SEC16B: variants seen among roughly 807,000 people sequenced by gnomAD.
The protein encoded by SEC16B is SEC16 homolog B, endoplasmic reticulum export factor, also known as protein transport protein Sec16B.
SEC16B carries 115 observed loss-of-function variants against 141.8 expected under a neutral mutation model. That is an observed-to-expected ratio of 0.81 (90% CI 0.70 to 0.95). The LOEUF is 0.95. Ranked by LOEUF, SEC16B falls within the 40% of genes least tolerant of loss-of-function variation. The pLI, the probability that SEC16B is intolerant of heterozygous loss-of-function variation, is 0.00. For missense variants in SEC16B, 1,291 were observed against 1,312.3 expected, an observed-to-expected ratio of 0.98 and a Z score of 0.25; for synonymous variants, 493 against 492.5, an observed-to-expected ratio of 1.00 and a Z score of -0.01.
chr1:177,982,562 T>C (rs937631594), intron 1 of SEC16B, among the ~76,000 whole-genome samples: 6 of 152,190 alleles, frequency 3.9e-5, no homozygotes, highest in African/African-American at 1.4e-4. Context: ...ATGGATTTGA[T>C]CCATCATTCT....
At chr1:177,960,523 G>A (rs1652974196) in intron 7 of SEC16B, 120 bp from the exon 8 acceptor site, 1 of 762,262 alleles carries the variant, frequency 1.3e-6, no homozygotes, top group Non-Finnish European at 2.2e-6. Context: ...GCCTTGTGGA[G>A]AAAGCAGAAA....
At chr1:177,964,668 T>C (rs1303698077) in intron 4 of SEC16B, among the ~76,000 whole-genome samples, 1 of 152,222 alleles carries the variant, frequency 6.6e-6, no homozygotes, top group Non-Finnish European at 1.5e-5. Flanking sequence ...TTCTCAGGGC[T>C]CAGGCGTAGG....
Position 177,958,231 on chromosome 1 carries a change from C to T in SEC16B, c.1266G>A (p.Gly422=). Residue 422 remains glycine, a synonymous_variant, in exon 10 of 26, where the codon GGG becomes GGA. Transcript: ENST00000308284. The stretch of plus-strand genomic sequence containing the variant: ...TCTCTCCCGTGAGCAGGTTCGGGGT[C>T]CCAGAGCTCAGCACTGGCCAGTCCT... The part of the protein sequence containing the change: ...TDEDWPVLSS[G]TPNLLTGEIP... 1.2e-6 allele frequency: 2 copies of T among 1,605,576 alleles called. No homozygotes were observed. Among genetic ancestry groups the T allele is most frequent in the Non-Finnish European group, 1.7e-6 (2 of 1,175,858 alleles).
At chr1:177,939,844 T>A in intron 17 of SEC16B, 67 bp from the exon 18 acceptor site, 1 of 1,300,764 alleles carries the variant, frequency 7.7e-7, no homozygotes. Context: ...AGAAACAAAG[T>A]GATTCAAAAC....
chr1:177,930,130 A>G (rs140045669), intron 25 of SEC16B, among the ~76,000 whole-genome samples: 169 of 152,294 alleles, frequency 1.1e-3, no homozygotes, highest in African/African-American at 3.8e-3. Context: ...GAGGAGGCCA[A>G]ATGAGACATT....
intron 8 of SEC16B, 32 bp from the exon 9 acceptor site, chr1:177,959,007 G>T: frequency 1.3e-6 from 2 of 1,599,978 alleles, no homozygotes; most frequent in Non-Finnish European, 1.7e-6. Context: ...AGCAAAGAGT[G>T]AGCAGGCAGA....
chr1:177,966,124 T>A, intron 2 of SEC16B, 119 bp from the exon 3 acceptor site: 1 of 557,330 alleles, frequency 1.8e-6, no homozygotes, highest in Non-Finnish European at 3.1e-6. Context: ...CAGCCTAGAA[T>A]CTGCTTGAAA....
Position 177,941,887 on chromosome 1 carries a change from T to C in SEC16B, c.2022+13A>G. 1.2e-6 allele frequency: 2 copies of C among 1,613,162 alleles called. No individual in the cohort carries two copies. Among genetic ancestry groups the C allele is most frequent in the Non-Finnish European group, 1.7e-6 (2 of 1,179,512 alleles). Reference sequence around the variant, plus strand: ...AGATAAAACAACTGCACAGAACCCTTTGAGAGGCTCACCTTGATGAGTTCC... The same window carrying C: ...AGATAAAACAACTGCACAGAACCCTCTGAGAGGCTCACCTTGATGAGTTCC... On this transcript the variant is annotated intron_variant, in intron 16 of 25. Coordinates refer to ENST00000308284, the MANE Select transcript of SEC16B (RefSeq NM_033127.4).
intron 10 of SEC16B, among the ~76,000 whole-genome samples, chr1:177,955,404 G>T (rs181812341): frequency 6.6e-6 from 1 of 152,286 alleles, no homozygotes; most frequent in East Asian, 1.9e-4. Flanking sequence ...TTGGAGTGCA[G>T]TGGCATGATC....
rs760441048 is a variant in SEC16B at position 177,951,910 on chromosome 1, G to A, written c.1545+4C>T. The A allele has an allele frequency of 3.8e-6, 6 of 1,597,490 alleles. No individual in the cohort carries two copies. Among genetic ancestry groups the A allele is most frequent in the Admixed American group, 1.7e-5 (1 of 57,916 alleles). On this transcript the variant is annotated splice_donor_region_variant and intron_variant, in intron 12 of 25. Transcript: ENST00000308284. ...GTGATAAAGGAATCCTGTCATAGGG[G>A]TACCGTGGCTGCCTGTGGAATCCTC...
intron 25 of SEC16B, 73 bp from the exon 26 acceptor site, chr1:177,930,002 TG>T: frequency 6.8e-7 from 1 of 1,470,362 alleles, no homozygotes; most frequent in Admixed American, 1.8e-5. Context: ...ATTGGACAGA[TG>T]GAGCTAGGGC....
intron 13 of SEC16B, among the ~76,000 whole-genome samples, chr1:177,947,594 C>T (rs1651807689): frequency 6.6e-6 from 1 of 151,804 alleles, no homozygotes; most frequent in African/African-American, 2.4e-5. Flanking sequence ...TTCCCCAAAA[C>T]ATGGAGGCTC....
intron 15 of SEC16B, among the ~76,000 whole-genome samples, chr1:177,943,428 TAAAGAA>T (rs1383836535): frequency 1.3e-5 from 2 of 152,148 alleles, no homozygotes; most frequent in East Asian, 1.9e-4. Flanking sequence ...TCCCAGAACT[TAAAGAA>T]AAAGAGAAGA....
chr1:177,930,002 T>C, intron 25 of SEC16B, 73 bp from the exon 26 acceptor site: 29 of 1,470,362 alleles, frequency 2.0e-5, no homozygotes, highest in Middle Eastern at 2.0e-4. Context: ...ATTGGACAGA[T>C]GGAGCTAGGG....
At chr1:177,972,037 A>G (rs527379026), upstream of SEC16B, among the ~76,000 whole-genome samples, 4 of 152,336 alleles carry the variant, frequency 2.6e-5, no homozygotes, top group South Asian at 2.1e-4. Flanking sequence ...CATTCTTGCA[A>G]TTATAGAATT....
At chr1:177,950,841 T>G (rs1652129329) in intron 12 of SEC16B, among the ~76,000 whole-genome samples, 2 of 132,438 alleles carry the variant, frequency 1.5e-5, no homozygotes, top group Admixed American at 1.6e-4. Context: ...GAAAACACAG[T>G]AAAGGACAGA....
upstream of SEC16B, among the ~76,000 whole-genome samples, chr1:177,974,575 T>C (rs1028542233): frequency 1.3e-5 from 2 of 151,010 alleles, no homozygotes; most frequent in Admixed American, 6.6e-5. Flanking sequence ...TCTGGATCAC[T>C]GGATTTGACA....
Position 177,929,499 on chromosome 1 carries a change from C to T in SEC16B, c.*359G>A, listed in dbSNP as rs1312755961. ...TCCCCCTGCTTCCCATTTCTTGCTA[C>T]AGGGCCCTGCGGTATCATCTTTGAT... On this transcript the variant is annotated 3_prime_UTR_variant, in exon 26 of 26. Transcript: ENST00000308284. The T allele has an allele frequency of 3.7e-5, 10 of 270,280 alleles. No homozygotes were observed. The highest frequency in any genetic ancestry group is 7.2e-5 in the Non-Finnish European group (10 of 139,674). The allele number at this position is 270,280 out of a possible 1,614,324, so 16.7% of individuals were successfully genotyped here.
chr1:177,977,810 T>G (rs965753855), intron 1 of SEC16B, among the ~76,000 whole-genome samples: 1 of 152,322 alleles, frequency 6.6e-6, no homozygotes, highest in East Asian at 1.9e-4. Context: ...TGGTTTTAAC[T>G]ACACCATTTG....
Sources: allele counts gnomAD v4.1 joint callset (sites outside exome capture counted in the v4.1 genomes callset), GRCh38; gene constraint gnomAD v4.1.1; transcripts MANE v1.5; gene names NCBI Gene and HGNC (gene_info 2026-07-23, HGNC 2026-07-21).